The following CD200 variants were observed in gnomAD, a reference collection of about 807,000 sequenced individuals.
CD200 encodes the protein CD200 molecule.
CD200 carries 15 observed loss-of-function variants against 30.9 expected under a neutral mutation model. The ratio of observed to expected loss-of-function variants is 0.49; its 90% CI spans 0.32 to 0.75. The LOEUF (loss-of-function observed/expected upper bound fraction) is 0.75, where lower values mean the gene tolerates loss of function less well. CD200 is among the 30% of genes least tolerant of loss of function. CD200 has a pLI of 0.03. For missense variants in CD200, 262 were observed against 324.2 expected, an observed-to-expected ratio of 0.81 and a Z score of 1.47; for synonymous variants, 134 against 126.2, an observed-to-expected ratio of 1.06 and a Z score of -0.41.
chr3:112,346,925 C>A (rs2081409418), intron 3 of CD200, among the ~76,000 whole-genome samples: 1 of 152,220 alleles, frequency 6.6e-6, no homozygotes, highest in South Asian at 2.1e-4. Flanking sequence ...TTCCAGTGCT[C>A]TTCCAACAGT....
At chr3:112,339,851 T>G (rs2081198472) in intron 1 of CD200, among the ~76,000 whole-genome samples, 1 of 152,256 alleles carries the variant, frequency 6.6e-6, no homozygotes. Context: ...ACAGCCATTT[T>G]AGCCAATGCT....
At chr3:112,340,425 G>A (rs2081212671) in intron 1 of CD200, among the ~76,000 whole-genome samples, 1 of 152,174 alleles carries the variant, frequency 6.6e-6, no homozygotes, top group Admixed American at 6.5e-5. Context: ...TGTAAGACTT[G>A]CAGAATTAAA....
At position 112,345,104 on chromosome 3, in the gene CD200, C is replaced by A. The variant is rs777542962; in HGVS notation, c.237C>A (p.Ser79Arg). ...GCCCAGAAAACATGGTCACCTTCAG[C>A]GAGAACCATGGGGTGGTGATCCAGC... ...AVSPENMVTF[S>R]ENHGVVIQPA... Residue 79 changes from serine (S) to arginine (R), a missense_variant, in exon 3 of 6, where the codon AGC (serine) becomes AGA (arginine). By Grantham distance (110) the Ser-to-Arg change is moderately radical. Transcript: ENST00000315711. The A allele has an allele frequency of 1.2e-6, 2 of 1,614,044 alleles. No homozygotes were observed. The highest frequency in any genetic ancestry group is 1.7e-5 in the Admixed American group (1 of 59,982).
chr3:112,335,838 C>T (rs576267427), intron 1 of CD200: 3 of 821,044 alleles, frequency 3.7e-6, no homozygotes, highest in East Asian at 2.4e-5. Context: ...CATGACAGCT[C>T]TGGTGCTCAA....
chr3:112,341,609 C>T (rs183983001), intron 2 of CD200, among the ~76,000 whole-genome samples: 2 of 152,292 alleles, frequency 1.3e-5, no homozygotes, highest in Non-Finnish European at 2.9e-5. Context: ...ATCAGATAGG[C>T]TTCATGCCCA....
chr3:112,342,615 G>T (rs1198195495), intron 2 of CD200, among the ~76,000 whole-genome samples: 1 of 151,668 alleles, frequency 6.6e-6, no homozygotes, highest in Admixed American at 6.6e-5. Context: ...TAGAAACAGG[G>T]TTTCACTTTG....
At chr3:112,353,461 A>G (rs1407554793) in intron 5 of CD200, among the ~76,000 whole-genome samples, 1 of 152,106 alleles carries the variant, frequency 6.6e-6, no homozygotes, top group Non-Finnish European at 1.5e-5. Context: ...CATGAGCTGT[A>G]TATTTATCTT....
intron 5 of CD200, among the ~76,000 whole-genome samples, chr3:112,356,047 G>A (rs902134710): frequency 1.1e-4 from 17 of 152,238 alleles, no homozygotes; most frequent in South Asian, 8.3e-4. Context: ...GTTAAGTTCC[G>A]CATTTCATGA....
upstream of CD200, chr3:112,332,936 CCAAA>C (rs1176873813): frequency 3.9e-6 from 2 of 512,114 alleles, no homozygotes; most frequent in African/African-American, 4.1e-5. Flanking sequence ...TTTTTTTTTT[CCAAA>C]CACTTTGTCA....
Position 112,347,604 on chromosome 3 carries a change from A to G in CD200, c.468A>G (p.Leu156=), listed in dbSNP as rs767077815. 1 of 1,613,858 alleles carries G rather than the reference A, an allele frequency of 6.2e-7. No homozygotes were observed. The highest frequency in any genetic ancestry group is 1.1e-5 in the South Asian group (1 of 91,070). ...SLHYKFSEDH[L]NITCSATARP... ...ACTACAAATTCTCTGAAGACCACCT[A>G]AATATCACTTGCTCTGCCACTGCCC... The change falls in exon 4 of 6, where the codon CTA becomes CTG. Residue 156 remains leucine (L), a synonymous_variant. Coordinates refer to ENST00000315711, the MANE Select transcript of CD200 (RefSeq NM_005944.7).
At chr3:112,333,526 G>T (rs1424556276) in intron 1 of CD200, 2 of 985,298 alleles carry the variant, frequency 2.0e-6, no homozygotes, top group Non-Finnish European at 2.4e-6. Flanking sequence ...CCGCGCTGAC[G>T]AAGCTGGCGC....
chr3:112,342,328 T>C (rs370144585), intron 2 of CD200, among the ~76,000 whole-genome samples: 2,145 of 24,248 alleles, frequency 0.088, 307 homozygotes, highest in Non-Finnish European at 0.11. Context: ...TTTCTTTCTT[T>C]CTTTCTTTCC....
chr3:112,342,118 T>C (rs139264627), intron 2 of CD200, among the ~76,000 whole-genome samples: 127 of 152,278 alleles, frequency 8.3e-4, no homozygotes, highest in African/African-American at 3.0e-3. Flanking sequence ...CAAGTTTACA[T>C]TTTGTGTACC....
chr3:112,349,503 TAA>T (rs2081488078), intron 4 of CD200, among the ~76,000 whole-genome samples: 1 of 152,208 alleles, frequency 6.6e-6, no homozygotes, highest in South Asian at 2.1e-4. Context: ...TTAAATGCGA[TAA>T]GTTTAAAGCT....
chr3:112,347,700 C>G lies in CD200; in HGVS notation c.564C>G (p.His188Gln). Residue 188 changes from histidine to glutamine, a missense_variant, in exon 4 of 6, where the codon CAC (histidine) becomes CAG (glutamine). By Grantham distance (24) the His-to-Gln change is conservative. Coordinates refer to ENST00000315711, the MANE Select transcript of CD200 (RefSeq NM_005944.7). ...GIENSTVTLS[H>Q]PNGTTSVTSI... ...AAAATAGTACAGTGACTCTGTCTCA[C>G]CCAAATGGGACCACGTCTGTTACCA... The G allele has an allele frequency of 6.2e-7, 1 of 1,614,052 alleles. No homozygotes were observed. Among genetic ancestry groups the G allele is most frequent in the South Asian group, 1.1e-5 (1 of 91,072 alleles).
At position 112,342,405 on chromosome 3, in the gene CD200, CTTTCTTTCTTTCT is replaced by C. The variant is rs1559783533; in HGVS notation, c.94+1425_94+1437del. Among the ~76,000 whole-genome samples the C allele has an allele frequency of 4.8e-4, 29 of 60,286 alleles. 7 individuals are homozygous for C. Among genetic ancestry groups the C allele is most frequent in the African/African-American group, 1.7e-3 (26 of 15,146 alleles). The allele number at this position is 60,286 out of a possible 152,430, so 39.5% of individuals were successfully genotyped here. A position where few individuals can be genotyped will look rare whatever the true frequency, so the allele number is the denominator to read the frequency against. The stretch of plus-strand genomic sequence containing the variant: ...TCTTTCTTTCTTTCTTTCTTTCTTT[CTTTCTTTCTTTCT>C]TTCTTTCTTTCTTCTCTCTCTTTCT... On this transcript the variant is annotated intron_variant, in intron 2 of 5. Transcript: ENST00000315711.
chr3:112,361,650 A>G lies in CD200; in HGVS notation c.*100A>G. ...GGGGCCATTCTCCAAAGGACCTGAA[A>G]GAGCAAAAGAGGTGGGAGCGAAAGC... On this transcript the variant is annotated 3_prime_UTR_variant, in exon 6 of 6. Transcript: ENST00000315711. 1 of 1,071,390 alleles carries G rather than the reference A, an allele frequency of 9.3e-7. No homozygotes were observed. The highest frequency in any genetic ancestry group is 1.3e-5 in the South Asian group (1 of 79,312). The allele number at this position is 1,071,390 out of a possible 1,614,324, so 66.4% of individuals were successfully genotyped here.
intron 2 of CD200, among the ~76,000 whole-genome samples, chr3:112,344,692 C>T (rs570662510): frequency 5.9e-5 from 9 of 152,206 alleles, no homozygotes; most frequent in East Asian, 1.9e-4. Context: ...GTACCTACTT[C>T]GCAGCTTACA....
chr3:112,353,252 G>A (rs1028698939), intron 5 of CD200, among the ~76,000 whole-genome samples: 2 of 152,136 alleles, frequency 1.3e-5, no homozygotes, highest in African/African-American at 4.8e-5. Flanking sequence ...TTCACTTTGA[G>A]GCAGATCATC....
Sources: gnomAD v4.1 joint callset for allele counts (sites outside exome capture counted in the v4.1 genomes callset) on GRCh38, gnomAD v4.1.1 for gene constraint, MANE v1.5 for transcripts, NCBI Gene and HGNC (gene_info 2026-07-23, HGNC 2026-07-21) for gene names.